The following GSE1 variants were observed in gnomAD, a reference collection of about 807,000 sequenced individuals.
GSE1 encodes the protein Gse1 coiled-coil protein.
Under a neutral mutation model 112.6 loss-of-function variants are expected in GSE1, and 32 were observed. The observed-to-expected ratio is 0.28, with a 90% confidence interval of 0.21 to 0.38. The LOEUF is 0.38. Ranked by LOEUF, GSE1 falls within the 10% of genes least tolerant of loss-of-function variation. GSE1 has a pLI of 1.00. For synonymous variants in GSE1, 1,115 were observed against 735.6 expected, an observed-to-expected ratio of 1.52 and a Z score of -8.35; for missense variants, 2,348 against 1,699.2, an observed-to-expected ratio of 1.38 and a Z score of -6.71.
At chr16:85,641,423 G>GGCC (rs2050437320) in intron 2 of GSE1, among the ~76,000 whole-genome samples, 3 of 150,398 alleles carry the variant, frequency 2.0e-5, no homozygotes, top group Non-Finnish European at 4.4e-5. Context: ...ACTGGCTGAC[G>GGCC]CCCCCCCCCG....
At chr16:85,353,201 G>A (rs745884144) in intron 1 of GSE1, among the ~76,000 whole-genome samples, 4 of 152,154 alleles carry the variant, frequency 2.6e-5, no homozygotes, top group South Asian at 2.1e-4. Context: ...TGGCCAGGAC[G>A]CAGTCTCACC....
chr16:85,527,059 C>T lies in GSE1; in HGVS notation c.2465-106855C>T, dbSNP rs564361555. ...TGGGGAGGGGGTGGCCCTCTCCCTG[C>T]GTTCACCTCTCCGGTCAGGATGATC... On this transcript the variant is annotated intron_variant, in intron 2 of 2. Coordinates refer to the GSE1 transcript ENST00000637419. Among the ~76,000 whole-genome samples the T allele has an allele frequency of 2.9e-4, 44 of 152,338 alleles. 1 individual carries two copies. The highest frequency in any genetic ancestry group is 4.9e-4 in the Non-Finnish European group (33 of 68,024).
chr16:85,447,060 C>A (rs183064061), intron 2 of GSE1, among the ~76,000 whole-genome samples: 67 of 152,304 alleles, frequency 4.4e-4, no homozygotes, highest in African/African-American at 1.4e-3. Flanking sequence ...AAGCAGCCTG[C>A]CCTGAGCAGT....
intron 2 of GSE1, among the ~76,000 whole-genome samples, chr16:85,382,873 GCA>G (rs907305667): frequency 4.7e-5 from 7 of 147,434 alleles, no homozygotes; most frequent in South Asian, 2.1e-4. Flanking sequence ...CAGCACACAT[GCA>G]CACACACCGT....
intron 1 of GSE1, among the ~76,000 whole-genome samples, chr16:85,630,007 G>C (rs998379781): frequency 6.6e-6 from 1 of 152,216 alleles, no homozygotes; most frequent in Non-Finnish European, 1.5e-5. Flanking sequence ...GAGCCTACTT[G>C]AGATGTTGGC....
In GSE1 at chr16:85,656,506, C is replaced by G. The variant is rs910047452; in HGVS notation, c.1153C>G (p.Leu385Val). 1 of 1,547,770 alleles carries G rather than the reference C, an allele frequency of 6.5e-7. No individual in the cohort carries two copies. Among genetic ancestry groups the G allele is most frequent in the Non-Finnish European group, 8.7e-7 (1 of 1,145,146 alleles). Residue 385 changes from leucine to valine, a missense_variant, in exon 7 of 16, where the codon CTG (leucine) becomes GTG (valine). Transcript: ENST00000253458. ...REREKERERE[L>V]ERQREQRARE... ...GCGTGAGAAGGAGCGCGAGCGCGAGCTGGAGCGCCAGCGGGAGCAGCGGGC... is the reference window on the plus strand; with the variant it reads ...GCGTGAGAAGGAGCGCGAGCGCGAGGTGGAGCGCCAGCGGGAGCAGCGGGC...
intron 2 of GSE1, among the ~76,000 whole-genome samples, chr16:85,409,298 A>G (rs1303703340): frequency 5.6e-5 from 2 of 35,908 alleles, no homozygotes; most frequent in African/African-American, 1.4e-4. Context: ...CCTCACTGTT[A>G]CACTCAGGGC....
At chr16:85,516,644 G>A (rs1209337747) in intron 2 of GSE1, among the ~76,000 whole-genome samples, 9 of 150,736 alleles carry the variant, frequency 6.0e-5, no homozygotes, top group Middle Eastern at 7.0e-3. Flanking sequence ...TTCCTCAGCT[G>A]TAACATTAGA....
At chr16:85,201,320 C>T (rs1259219856) in intron 1 of GSE1, among the ~76,000 whole-genome samples, 1 of 147,870 alleles carries the variant, frequency 6.8e-6, no homozygotes, top group Non-Finnish European at 1.5e-5. Context: ...ATCCTTGCAA[C>T]TCATGTTTCC....
chr16:85,360,485 C>T (rs1282287028), intron 2 of GSE1, among the ~76,000 whole-genome samples: 1 of 152,194 alleles, frequency 6.6e-6, no homozygotes, highest in African/African-American at 2.4e-5. Context: ...GAGCATGTCC[C>T]GCAGTCAGGC....
chr16:85,360,669 C>T (rs925638901), intron 2 of GSE1, among the ~76,000 whole-genome samples: 2 of 152,118 alleles, frequency 1.3e-5, no homozygotes, highest in Non-Finnish European at 1.5e-5. Flanking sequence ...GACATGCAGA[C>T]GCACGAGACA....
At chr16:85,210,870 G>T (rs1023232434) in intron 1 of GSE1, among the ~76,000 whole-genome samples, 3 of 152,202 alleles carry the variant, frequency 2.0e-5, no homozygotes, top group Non-Finnish European at 4.4e-5. Context: ...GAGCCACCTG[G>T]ACTCTTCTTC....
chr16:85,663,600 C>G lies in GSE1; in HGVS notation c.2630C>G (p.Ala877Gly). Residue 877 changes from alanine (A) to glycine (G), a missense_variant, in exon 11 of 16, where the codon GCT becomes GGT. Ala to Gly is a moderately conservative substitution (Grantham distance 60). Coordinates refer to ENST00000253458, the MANE Select transcript of GSE1 (RefSeq NM_014615.5). ...ATCTTCAACCTGACCCACATCAGCG[C>G]TGAGAAGAGGAAAGGTAGGGCCTCG... ...LTIFNLTHIS[A>G]EKRKDKERLV... 6.2e-7 allele frequency: 1 copy of G among 1,612,786 alleles called. No individual in the cohort carries two copies. The highest frequency in any genetic ancestry group is 8.5e-7 in the Non-Finnish European group (1 of 1,179,392).
At chr16:85,388,647 G>A (rs1213731782) in intron 2 of GSE1, among the ~76,000 whole-genome samples, 1 of 145,114 alleles carries the variant, frequency 6.9e-6, no homozygotes, top group Non-Finnish European at 1.5e-5. Context: ...TGTGTGGGTG[G>A]ATGGATGGAT....
intron 1 of GSE1, among the ~76,000 whole-genome samples, chr16:85,191,457 A>C (rs2074819178): frequency 6.6e-6 from 1 of 152,164 alleles, no homozygotes; most frequent in Non-Finnish European, 1.5e-5. Context: ...ATTAGCTTTC[A>C]TTTTTATGAT....
intron 2 of GSE1, among the ~76,000 whole-genome samples, chr16:85,472,341 C>G (rs765507085): frequency 2.2e-4 from 34 of 152,204 alleles, no homozygotes; most frequent in Admixed American, 1.1e-3. Flanking sequence ...CTTCCTGCCT[C>G]TTCCAGCCTC....
At chr16:85,424,185 C>T (rs987676989) in intron 2 of GSE1, among the ~76,000 whole-genome samples, 10 of 152,246 alleles carry the variant, frequency 6.6e-5, no homozygotes, top group Non-Finnish European at 1.2e-4. Context: ...TGCATTTGTT[C>T]GTTCATTGGG....
At chr16:85,627,470 C>T (rs2049173201) in intron 1 of GSE1, among the ~76,000 whole-genome samples, 5 of 151,486 alleles carry the variant, frequency 3.3e-5, no homozygotes, top group African/African-American at 1.2e-4. Context: ...CTTTAGGTGT[C>T]TGGCTGTGGC....
intron 9 of GSE1, among the ~76,000 whole-genome samples, 174 bp downstream of exon 9, chr16:85,661,939 G>A (rs1239880522): frequency 2.0e-5 from 3 of 152,202 alleles, no homozygotes; most frequent in Non-Finnish European, 2.9e-5. Context: ...CACCCTCGTA[G>A]GGGAGGCAGA....
Sources: allele counts gnomAD v4.1 joint callset (sites outside exome capture counted in the v4.1 genomes callset), GRCh38; gene constraint gnomAD v4.1.1; transcripts MANE v1.5; gene names NCBI Gene and HGNC (gene_info 2026-07-23, HGNC 2026-07-21).